KLC2: variants seen among roughly 807,000 people sequenced by gnomAD.
KLC2 encodes KLC 2.
A neutral mutation model predicts 75.1 loss-of-function variants in KLC2; 35 were observed. That is an observed-to-expected ratio of 0.47 (90% confidence interval 0.36 to 0.62). KLC2 has a LOEUF of 0.62. KLC2 is among the 20% of genes least tolerant of loss of function. KLC2 has a pLI of 0.00. For synonymous variants in KLC2, 314 were observed against 336.7 expected, an observed-to-expected ratio of 0.93 and a Z score of 0.74; for missense variants, 611 against 833.2, an observed-to-expected ratio of 0.73 and a Z score of 3.28.
chr11:66,245,028 T>C, the KLC2 span: 1 of 152,174 alleles, frequency 6.6e-6, no homozygotes, highest in Non-Finnish European at 1.5e-5. Flanking sequence ...GAGTGTGGCT[T>C]CCCCATCTTC....
At chr11:66,258,202 G>A (rs1856144259) in intron 1 of KLC2, 1 of 196,110 alleles carries the variant, frequency 5.1e-6, no homozygotes, top group Non-Finnish European at 1.1e-5. Flanking sequence ...TGCCTTTTGG[G>A]GATGGGGCTG....
chr11:66,264,753 C>T (rs1289244979), intron 9 of KLC2: 2 of 585,752 alleles, frequency 3.4e-6, no homozygotes, highest in East Asian at 2.8e-5. Context: ...ACCTCTGGCC[C>T]CGGATGGTCA....
intron 2 of KLC2, chr11:66,261,382 A>C (rs749559956): frequency 4.0e-5 from 8 of 201,190 alleles, no homozygotes; most frequent in Non-Finnish European, 7.1e-5. Flanking sequence ...GCCCTGAGGC[A>C]GGGAGCAGTA....
the KLC2 span, among the ~76,000 whole-genome samples, chr11:66,249,991 G>A: frequency 2.0e-5 from 3 of 152,092 alleles, no homozygotes; most frequent in Non-Finnish European, 2.9e-5. Flanking sequence ...CACCAGGCCC[G>A]TGGTCTGGCT....
chr11:66,247,851 C>G, the KLC2 span, among the ~76,000 whole-genome samples: 4 of 152,182 alleles, frequency 2.6e-5, no homozygotes, highest in African/African-American at 7.2e-5. Context: ...ATGTGCTACT[C>G]AAGACATTTT....
chr11:66,266,627 C>T (rs1422641131), intron 15 of KLC2, 137 bp downstream of exon 15: 20 of 1,000,884 alleles, frequency 2.0e-5, no homozygotes, highest in Admixed American at 3.9e-5. Context: ...GGCTGGACAA[C>T]GGGGAGACAC....
Position 66,267,607 on chromosome 11 carries a change from C to G in KLC2, c.*651C>G. On this transcript the variant is annotated 3_prime_UTR_variant, in exon 16 of 16. Coordinates refer to ENST00000394067, the MANE Select transcript of KLC2 (RefSeq NM_001318734.2). ...CGGGGACCTCCCCTTAGTCCGTCCT[C>G]CCACCGCCGGGCCCTGCCCCGCATC... is the stretch of plus-strand genomic sequence containing the variant. 1.7e-6 allele frequency: 1 copy of G among 602,414 alleles called. No individual in the cohort carries two copies. The highest frequency in any genetic ancestry group is 3.0e-6 in the Non-Finnish European group (1 of 335,920). The allele number at this position is 602,414 out of a possible 1,614,324, so 37.3% of individuals were successfully genotyped here. A position where few individuals can be genotyped will look rare whatever the true frequency, so the allele number is the denominator to read the frequency against.
chr11:66,252,420 T>C (rs112498920), upstream of KLC2, among the ~76,000 whole-genome samples: 9,773 of 137,526 alleles, frequency 0.071, 370 homozygotes, highest in Non-Finnish European at 0.079. Context: ...CGAGCCACCA[T>C]GCCCGGCTAA....
At chr11:66,250,482 A>G in the KLC2 span, among the ~76,000 whole-genome samples, 1 of 152,118 alleles carries the variant, frequency 6.6e-6, no homozygotes, top group Non-Finnish European at 1.5e-5. Flanking sequence ...CCAACCATCC[A>G]TACATCTGGC....
At position 66,262,207 on chromosome 11, in the gene KLC2, T is replaced by C. The variant is rs748349125; in HGVS notation, c.529+15T>C. ...GCAGAGCCCAGGTGCGGATGGGCAGTTCTGGAGTGGGGGAAGGAAAGGTTG... is the reference window on the plus strand; with the variant it reads ...GCAGAGCCCAGGTGCGGATGGGCAGCTCTGGAGTGGGGGAAGGAAAGGTTG... On this transcript the variant is annotated intron_variant, in intron 4 of 15. Coordinates refer to ENST00000394067, the MANE Select transcript of KLC2 (RefSeq NM_001318734.2). 6.2e-7 allele frequency: 1 copy of C among 1,608,448 alleles called. No individual in the cohort carries two copies. Among genetic ancestry groups the C allele is most frequent in the South Asian group, 1.1e-5 (1 of 90,900 alleles).
At chr11:66,265,345 A>C (rs1856748854) in intron 11 of KLC2, 110 bp downstream of exon 11, 1 of 931,034 alleles carries the variant, frequency 1.1e-6, no homozygotes, top group Admixed American at 2.3e-5. Context: ...GGCAAGGCCC[A>C]ACTCACAGGT....
At chr11:66,265,359 C>A in intron 11 of KLC2, 124 bp downstream of exon 11, 1 of 841,582 alleles carries the variant, frequency 1.2e-6, no homozygotes, top group Non-Finnish European at 1.9e-6. Flanking sequence ...CACAGGTCAC[C>A]TGTCCCAAGA....
At chr11:66,254,809 C>T (rs1165203723), upstream of KLC2, among the ~76,000 whole-genome samples, 1 of 151,914 alleles carries the variant, frequency 6.6e-6, no homozygotes, top group Non-Finnish European at 1.5e-5. Flanking sequence ...CCTGTAGTCC[C>T]AGCTACTTGG....
At chr11:66,245,417 C>A in the KLC2 span, among the ~76,000 whole-genome samples, 2,100 of 152,128 alleles carry the variant, frequency 0.014, 40 homozygotes, top group African/African-American at 0.047. Flanking sequence ...CCCGTCTCTA[C>A]TAAAAAATAT....
chr11:66,254,678 A>AAAG (rs1389366220), upstream of KLC2, among the ~76,000 whole-genome samples: 139 of 150,366 alleles, frequency 9.2e-4, no homozygotes, highest in African/African-American at 3.2e-3. Flanking sequence ...AAAAAAAAAA[A>AAAG]AAAAAAGTCC....
At chr11:66,262,359 C>A in intron 4 of KLC2, 167 bp downstream of exon 4, 11 of 636,856 alleles carry the variant, frequency 1.7e-5, no homozygotes, top group Non-Finnish European at 2.8e-5. Flanking sequence ...CACATCCCCC[C>A]AGCTCTGTGG....
chr11:66,267,501 A>C lies in KLC2; in HGVS notation c.*545A>C, dbSNP rs1218060044. 8.7e-6 allele frequency: 6 copies of C among 693,098 alleles called. No homozygotes were observed. The highest frequency in any genetic ancestry group is 2.1e-5 in the Admixed American group (1 of 48,046). The allele number at this position is 693,098 out of a possible 1,614,324, so 42.9% of individuals were successfully genotyped here. On this transcript the variant is annotated 3_prime_UTR_variant, in exon 16 of 16. Transcript: ENST00000394067. ...ACATTCTCGGGAGCGGCGCCTCCCAAGGGGGTCCTGGGACCTTCTCGCGCT... is the reference window on the plus strand; with the variant it reads ...ACATTCTCGGGAGCGGCGCCTCCCACGGGGGTCCTGGGACCTTCTCGCGCT...
chr11:66,265,090 G>A lies in KLC2; in HGVS notation c.1266+18G>A, dbSNP rs1489508385. On this transcript the variant is annotated intron_variant, in intron 10 of 15. Coordinates refer to ENST00000394067, the MANE Select transcript of KLC2 (RefSeq NM_001318734.2). Reference sequence around the variant, plus strand: ...AAAGCAAGGTAGCTCTGTGGGGCAGGCTGGGCGGTTGTCAGGGGAGGCTGG... The same window carrying A: ...AAAGCAAGGTAGCTCTGTGGGGCAGACTGGGCGGTTGTCAGGGGAGGCTGG... The A allele has an allele frequency of 1.2e-6, 2 of 1,609,784 alleles. No homozygotes were observed. The highest frequency in any genetic ancestry group is 2.2e-5 in the East Asian group (1 of 44,698).
the KLC2 span, among the ~76,000 whole-genome samples, chr11:66,248,939 T>C: frequency 6.6e-6 from 1 of 152,136 alleles, no homozygotes; most frequent in African/African-American, 2.4e-5. Context: ...TTGGTAGAGA[T>C]AGGGTCTTGA....
Sources: allele counts gnomAD v4.1 joint callset (sites outside exome capture counted in the v4.1 genomes callset), GRCh38; gene constraint gnomAD v4.1.1; transcripts MANE v1.5; gene names NCBI Gene and HGNC (gene_info 2026-07-23, HGNC 2026-07-21).